OPCML: variants seen among roughly 807,000 people sequenced by gnomAD.
OPCML encodes the protein opioid-binding protein/cell adhesion molecule.
Under a neutral mutation model 37.8 loss-of-function variants are expected in OPCML, and 13 were observed. The ratio of observed to expected loss-of-function variants is 0.34; its 90% CI spans 0.22 to 0.55. OPCML has a LOEUF of 0.55. OPCML is among the 20% of genes least tolerant of loss of function. The probability of loss-of-function intolerance (pLI) is 0.91; values close to 1 mark genes in which losing one functional copy is unlikely to be tolerated. For synonymous variants in OPCML, 176 were observed against 168.8 expected, an observed-to-expected ratio of 1.04 and a Z score of -0.33; for missense variants, 341 against 435.6, an observed-to-expected ratio of 0.78 and a Z score of 1.93.
At chr11:133,502,021 A>AC (rs1176206454) in intron 1 of OPCML, among the ~76,000 whole-genome samples, 3 of 139,482 alleles carry the variant, frequency 2.2e-5, no homozygotes, top group Admixed American at 7.2e-5. Context: ...CATTCCTCTC[A>AC]CCCCCCTTTC....
chr11:133,118,155 A>G lies in OPCML; in HGVS notation c.62-175145T>C, dbSNP rs1021116297. On this transcript the variant is annotated intron_variant, in intron 1 of 7. Transcript: ENST00000524381. ...TCTGGACTGCAGGAACTACTTTTGA[A>G]TATGTCTCTAAAAGTGGTAGTGCAG... is the stretch of plus-strand genomic sequence containing the variant. 4.5e-6 allele frequency: 4 copies of G among 880,752 alleles called. No individual in the cohort carries two copies. The African/African-American group carries it at 5.5e-5, about 12-fold the overall frequency. 54.6% of individuals were successfully genotyped at this position (880,752 alleles called of 1,614,324 possible).
chr11:132,437,434 G>C, intron 4 of OPCML, 75 bp from the exon 5 acceptor site: 1 of 1,564,428 alleles, frequency 6.4e-7, no homozygotes, highest in South Asian at 1.2e-5. Context: ...CACATCTAGA[G>C]ATTGTAGGAG....
intron 7 of OPCML, among the ~76,000 whole-genome samples, chr11:132,434,800 T>A (rs1467531087): frequency 6.6e-6 from 1 of 152,220 alleles, no homozygotes; most frequent in Non-Finnish European, 1.5e-5. Flanking sequence ...ACGTCCCCAC[T>A]GAGACAGTTA....
chr11:133,161,799 A>G (rs1250557599), intron 1 of OPCML, among the ~76,000 whole-genome samples: 3 of 152,160 alleles, frequency 2.0e-5, no homozygotes, highest in Non-Finnish European at 4.4e-5. Context: ...TGGGATTTCA[A>G]TGCATCTATA....
Position 132,415,701 on chromosome 11 carries a change from A to C in OPCML, c.*4492T>G, listed in dbSNP as rs899176951. Reference sequence around the variant, plus strand: ...TTTCAGGATAAAGACAACTGCATCTAATTAAGTCCACTCCACATTTCTTTG... The same window carrying C: ...TTTCAGGATAAAGACAACTGCATCTCATTAAGTCCACTCCACATTTCTTTG... On this transcript the variant is annotated 3_prime_UTR_variant, in exon 8 of 8. Coordinates refer to ENST00000524381, the MANE Select transcript of OPCML (RefSeq NM_001012393.5). 1 of 152,612 alleles carries C rather than the reference A, an allele frequency of 6.6e-6. No individual in the cohort carries two copies. The highest frequency in any genetic ancestry group is 1.5e-5 in the Non-Finnish European group (1 of 68,038). The allele number at this position is 152,612 out of a possible 1,614,324, so 9.5% of individuals were successfully genotyped here.
chr11:132,559,460 A>T (rs2096405633), intron 3 of OPCML, among the ~76,000 whole-genome samples: 2 of 152,188 alleles, frequency 1.3e-5, no homozygotes, highest in South Asian at 4.1e-4. Context: ...TTGCTATGGA[A>T]ATAGGTAAAA....
chr11:133,000,234 T>C lies in OPCML; in HGVS notation c.62-57224A>G, dbSNP rs184863384. Among the ~76,000 whole-genome samples, 302 of 152,138 alleles carry C rather than the reference T, an allele frequency of 2.0e-3. 1 individual carries two copies. Among genetic ancestry groups the C allele is most frequent in the African/African-American group, 7.2e-3 (300 of 41,506 alleles). On this transcript the variant is annotated intron_variant, in intron 1 of 7. Transcript: ENST00000524381. ...TTCAAGCACTTCTCCTGCCTCAGCCTCCCGAGTAGCTGGGATTACAGGCAC... is the reference window on the plus strand; with the variant it reads ...TTCAAGCACTTCTCCTGCCTCAGCCCCCCGAGTAGCTGGGATTACAGGCAC...
chr11:133,296,519 T>C (rs1190891915), intron 1 of OPCML, among the ~76,000 whole-genome samples: 1 of 152,232 alleles, frequency 6.6e-6, no homozygotes, highest in African/African-American at 2.4e-5. Flanking sequence ...TGCCTCAATG[T>C]ACCATAAGCG....
At chr11:132,746,436 G>A (rs943133364) in intron 2 of OPCML, among the ~76,000 whole-genome samples, 2 of 151,958 alleles carry the variant, frequency 1.3e-5, no homozygotes, top group African/African-American at 2.4e-5. Context: ...CACTCTCATC[G>A]GCGTTTATAC....
At chr11:133,191,509 GT>G (rs1938317970) in intron 1 of OPCML, among the ~76,000 whole-genome samples, 1 of 148,592 alleles carries the variant, frequency 6.7e-6, no homozygotes, top group Non-Finnish European at 1.5e-5. Flanking sequence ...GTGTGGGTGT[GT>G]GTGTGTGTGT....
At chr11:133,325,710 A>G (rs111830348) in intron 1 of OPCML, among the ~76,000 whole-genome samples, 75 of 152,318 alleles carry the variant, frequency 4.9e-4, no homozygotes, top group African/African-American at 1.8e-3. Context: ...AGGGATGACT[A>G]CTTGCCAAGA....
chr11:132,634,687 A>G (rs1288489661), intron 3 of OPCML, among the ~76,000 whole-genome samples: 1 of 152,176 alleles, frequency 6.6e-6, no homozygotes. Context: ...GCACTTTCTT[A>G]AAATTTTTAA....
intron 1 of OPCML, among the ~76,000 whole-genome samples, chr11:133,313,415 G>T (rs1242798441): frequency 2.6e-5 from 4 of 152,200 alleles, no homozygotes; most frequent in African/African-American, 7.2e-5. Flanking sequence ...ATGGAATAAT[G>T]TCCCTCACTT....
intron 1 of OPCML, among the ~76,000 whole-genome samples, chr11:133,089,395 CA>C (rs1948870254): frequency 6.6e-6 from 1 of 152,090 alleles, no homozygotes; most frequent in African/African-American, 2.4e-5. Context: ...AGTAAAATTA[CA>C]AGTATTTATT....
intron 1 of OPCML, among the ~76,000 whole-genome samples, chr11:133,093,418 C>T (rs1266431052): frequency 6.6e-6 from 1 of 151,990 alleles, no homozygotes; most frequent in African/African-American, 2.4e-5. Flanking sequence ...GGTTTTAAGC[C>T]CCGCGTACAT....
chr11:132,714,806 A>G (rs534545112), intron 2 of OPCML, among the ~76,000 whole-genome samples: 1 of 152,186 alleles, frequency 6.6e-6, no homozygotes, highest in South Asian at 2.1e-4. Context: ...CCCCAAGGGG[A>G]GCTTTGATTT....
At chr11:133,283,968 C>T (rs1942230855) in intron 1 of OPCML, among the ~76,000 whole-genome samples, 2 of 152,154 alleles carry the variant, frequency 1.3e-5, no homozygotes, top group South Asian at 4.2e-4. Flanking sequence ...ACCTAAAAGT[C>T]AAGCCCTAAA....
intron 1 of OPCML, among the ~76,000 whole-genome samples, chr11:133,250,214 A>G (rs1036281474): frequency 6.6e-6 from 1 of 152,210 alleles, no homozygotes; most frequent in Admixed American, 6.5e-5. Context: ...CACATATAAT[A>G]TGTTCCCTCT....
intron 1 of OPCML, among the ~76,000 whole-genome samples, chr11:133,038,542 T>A (rs546049490): frequency 2.6e-5 from 4 of 152,330 alleles, no homozygotes; most frequent in Middle Eastern, 3.4e-3. Context: ...AATTGAGTTA[T>A]TATATAATGC....
Sources: allele counts gnomAD v4.1 joint callset (sites outside exome capture counted in the v4.1 genomes callset), GRCh38; gene constraint gnomAD v4.1.1; transcripts MANE v1.5; gene names NCBI Gene and HGNC (gene_info 2026-07-23, HGNC 2026-07-21).